DNM3: variants seen among roughly 807,000 people sequenced by gnomAD.
The protein encoded by DNM3 is dynamin-3.
A neutral mutation model predicts 101.6 loss-of-function variants in DNM3; 47 were observed. The ratio of observed to expected loss-of-function variants is 0.46; its 90% confidence interval spans 0.37 to 0.59. The LOEUF (loss-of-function observed/expected upper bound fraction) is 0.59. DNM3 is among the 20% of genes least tolerant of loss of function. The probability of loss-of-function intolerance (pLI) is 0.00; values close to 1 mark genes in which losing one functional copy is unlikely to be tolerated. For missense variants in DNM3, 849 were observed against 1,085.7 expected (o/e 0.78, Z 3.06); for synonymous variants, 385 against 387.9 (o/e 0.99, Z 0.09).
chr1:172,302,057 C>T (rs773640843), intron 15 of DNM3, among the ~76,000 whole-genome samples: 25 of 152,224 alleles, frequency 1.6e-4, no homozygotes, highest in Admixed American at 2.6e-4. Context: ...CCACAGAGGA[C>T]GAGCCAAAGC....
intron 14 of DNM3, chr1:172,137,826 T>C (rs1490499150): frequency 6.6e-6 from 1 of 152,166 alleles, no homozygotes; most frequent in African/African-American, 2.4e-5. Flanking sequence ...ATTTAAAGTA[T>C]TCATAGACAA....
intron 20 of DNM3, among the ~76,000 whole-genome samples, chr1:172,391,892 G>T (rs4916253): frequency 0.48 from 72,645 of 151,934 alleles, 20,319 homozygotes; most frequent in East Asian, 0.87. Flanking sequence ...ATTCAGCATG[G>T]GCTTGTGCAT....
rs1185083848 is a variant in DNM3, at chr1:172,264,895, GT to G, written c.1769+11216del. ...ACTCAAGGCTGTTTCTGATACTGTA[GT>G]TTAGAGATTAACTATGGAATAGGAA... On this transcript the variant is annotated intron_variant, in intron 15 of 20. Coordinates refer to ENST00000627582, the MANE Select transcript of DNM3 (RefSeq NM_015569.5). Among the ~76,000 whole-genome samples, 21 of 152,276 alleles carry G rather than the reference GT, an allele frequency of 1.4e-4. No individual in the cohort carries two copies. The East Asian group carries it at 3.7e-3, about 27-fold the overall frequency.
chr1:171,883,773 G>C (rs2036532611), intron 1 of DNM3, among the ~76,000 whole-genome samples: 1 of 151,882 alleles, frequency 6.6e-6, no homozygotes, highest in African/African-American at 2.4e-5. Context: ...CCCAGCCCCT[G>C]ATTCCTCTTT....
chr1:172,020,670 G>A (rs2047777623), intron 4 of DNM3, among the ~76,000 whole-genome samples: 1 of 143,702 alleles, frequency 7.0e-6, no homozygotes, highest in South Asian at 2.2e-4. Flanking sequence ...CTTGCAGTGG[G>A]CCGAGATCAC....
intron 10 of DNM3, among the ~76,000 whole-genome samples, chr1:172,053,350 A>G (rs1454684836): frequency 6.6e-6 from 1 of 152,044 alleles, no homozygotes; most frequent in Non-Finnish European, 1.5e-5. Context: ...GAGGCAGCTC[A>G]ATCATCCTAT....
At chr1:172,081,091 C>CTAT (rs149223276) in intron 11 of DNM3, among the ~76,000 whole-genome samples, 23 of 151,962 alleles carry the variant, frequency 1.5e-4, no homozygotes, top group Admixed American at 2.0e-4. Flanking sequence ...CAGCCACCAC[C>CTAT]TATTATTATT....
intron 2 of DNM3, among the ~76,000 whole-genome samples, chr1:171,925,173 T>C (rs2125336687): frequency 6.6e-6 from 1 of 152,046 alleles, no homozygotes; most frequent in South Asian, 2.1e-4. Flanking sequence ...AGTGTTGGGA[T>C]TACAGGCATG....
intron 3 of DNM3, 72 bp downstream of exon 3, chr1:171,987,877 T>G: frequency 7.3e-7 from 1 of 1,378,662 alleles, no homozygotes; most frequent in Non-Finnish European, 9.6e-7. Flanking sequence ...ATACATCATT[T>G]GTACAGAAGA....
At chr1:172,290,070 T>G (rs1338227717) in intron 15 of DNM3, 2 of 890,122 alleles carry the variant, frequency 2.2e-6, no homozygotes, top group Non-Finnish European at 2.7e-6. Context: ...TGAAGAACTT[T>G]GAATGCTGAG....
At chr1:172,135,764 A>AATG (rs1458455493) in intron 14 of DNM3, among the ~76,000 whole-genome samples, 1 of 152,074 alleles carries the variant, frequency 6.6e-6, no homozygotes, top group Admixed American at 6.6e-5. Context: ...ACTTGAAAAA[A>AATG]ATGATGGCTT....
intron 14 of DNM3, among the ~76,000 whole-genome samples, chr1:172,181,325 T>C (rs561102356): frequency 1.8e-4 from 27 of 151,680 alleles, no homozygotes; most frequent in South Asian, 1.0e-3. Flanking sequence ...CCTGAACTCT[T>C]CATTTTTCCT....
intron 13 of DNM3, among the ~76,000 whole-genome samples, 154 bp from the exon 14 acceptor site, chr1:172,131,021 T>C (rs927577685): frequency 6.6e-6 from 1 of 152,186 alleles, no homozygotes; most frequent in Non-Finnish European, 1.5e-5. Context: ...GGAAGATAAA[T>C]TCTCTTGAAT....
chr1:172,147,166 G>A (rs1168806883), intron 14 of DNM3, among the ~76,000 whole-genome samples: 1 of 152,040 alleles, frequency 6.6e-6, no homozygotes, highest in Non-Finnish European at 1.5e-5. Context: ...CAGCAACTGG[G>A]CATACAAAGA....
intron 14 of DNM3, among the ~76,000 whole-genome samples, chr1:172,186,090 G>C (rs2059512917): frequency 6.6e-6 from 1 of 152,070 alleles, no homozygotes; most frequent in Non-Finnish European, 1.5e-5. Flanking sequence ...GGAATAAGGA[G>C]AAATGTGATT....
intron 17 of DNM3, among the ~76,000 whole-genome samples, chr1:172,331,352 A>G (rs546289352): frequency 6.6e-6 from 1 of 152,328 alleles, no homozygotes; most frequent in South Asian, 2.1e-4. Context: ...ATATAATATT[A>G]GGCTAGCAGA....
At chr1:171,909,888 C>T (rs1272917917) in intron 1 of DNM3, among the ~76,000 whole-genome samples, 1 of 152,188 alleles carries the variant, frequency 6.6e-6, no homozygotes, top group Admixed American at 6.5e-5. Flanking sequence ...TGTATTTGAG[C>T]TCTTTTCACT....
chr1:171,974,897 T>G (rs962690816), intron 2 of DNM3, among the ~76,000 whole-genome samples: 2 of 151,850 alleles, frequency 1.3e-5, no homozygotes, highest in Non-Finnish European at 2.9e-5. Context: ...GGTCTTGGTC[T>G]GTCACCCAGG....
intron 17 of DNM3, among the ~76,000 whole-genome samples, chr1:172,333,423 A>G (rs2066278007): frequency 6.6e-6 from 1 of 152,188 alleles, no homozygotes; most frequent in Non-Finnish European, 1.5e-5. Context: ...ACACCTGCAT[A>G]TTAAAATTAA....
Sources: allele counts gnomAD v4.1 joint callset (sites outside exome capture counted in the v4.1 genomes callset), GRCh38; gene constraint gnomAD v4.1.1; transcripts MANE v1.5; gene names NCBI Gene and HGNC (gene_info 2026-07-23, HGNC 2026-07-21).